Variants in FCRL1 observed in about 807,000 individuals in gnomAD.
The protein encoded by FCRL1 is Fc receptor like 1.
FCRL1 carries 34 observed loss-of-function variants against 49.2 expected under a neutral mutation model. That is an observed-to-expected ratio of 0.69 (90% CI 0.53 to 0.92). The LOEUF (loss-of-function observed/expected upper bound fraction) is 0.92. Ranked by LOEUF, FCRL1 falls within the 40% of genes least tolerant of loss-of-function variation. FCRL1 has a pLI of 0.00. For missense variants in FCRL1, 524 were observed against 524.1 expected (o/e 1.00, Z 0.00); for synonymous variants, 218 against 201.6 (o/e 1.08, Z -0.69).
rs576882512 is a variant in FCRL1 at position 157,819,875 on chromosome 1, G to A, written c.31+132C>T. ...TTTTGCCTGACTCTGAGCCCTCCGT[G>A]GAAGTGGAGATCTGAGCACCCCTGA... On this transcript the variant is annotated intron_variant, in intron 1 of 10. Coordinates refer to ENST00000368176, the MANE Select transcript of FCRL1 (RefSeq NM_052938.5). 6.7e-4 allele frequency: 678 copies of A among 1,010,800 alleles called. 1 individual carries two copies. Among genetic ancestry groups the A allele is most frequent in the Non-Finnish European group, 9.7e-4 (642 of 664,650 alleles). The allele number at this position is 1,010,800 out of a possible 1,614,324, so 62.6% of individuals were successfully genotyped here. A position where few individuals can be genotyped will look rare whatever the true frequency, so the allele number is the denominator to read the frequency against.
At chr1:157,812,233 C>T (rs1209533555) in intron 1 of FCRL1, among the ~76,000 whole-genome samples, 1 of 152,214 alleles carries the variant, frequency 6.6e-6, no homozygotes, top group Non-Finnish European at 1.5e-5. Context: ...GCCTGAGCTG[C>T]TGAGGCACAC....
At chr1:157,797,963 C>A (rs1557890791) in intron 8 of FCRL1, 24 bp from the exon 9 acceptor site, 1 of 1,610,326 alleles carries the variant, frequency 6.2e-7, no homozygotes, top group Non-Finnish European at 8.5e-7. Flanking sequence ...AGGGAGACTT[C>A]ATGACACAGC....
chr1:157,808,589 C>T (rs1257478812), intron 1 of FCRL1, among the ~76,000 whole-genome samples: 1 of 152,170 alleles, frequency 6.6e-6, no homozygotes, highest in Non-Finnish European at 1.5e-5. Context: ...GTCATGGGCA[C>T]TTTATGGACT....
At chr1:157,806,106 T>C (rs1175655312) in intron 2 of FCRL1, among the ~76,000 whole-genome samples, 1 of 152,222 alleles carries the variant, frequency 6.6e-6, no homozygotes, top group Non-Finnish European at 1.5e-5. Flanking sequence ...ATCTTTGATA[T>C]GGCTTTGGAT....
intron 2 of FCRL1, 140 bp from the exon 3 acceptor site, chr1:157,804,251 C>CA (rs201261723): frequency 1.7e-5 from 17 of 974,954 alleles, no homozygotes; most frequent in Non-Finnish European, 2.4e-5. Flanking sequence ...TCTCCACCCC[C>CA]CCCCCAGTGG....
chr1:157,802,164 T>C lies in FCRL1; in HGVS notation c.637A>G (p.Arg213Gly). 1 of 1,613,958 alleles carries C rather than the reference T, an allele frequency of 6.2e-7. No individual in the cohort carries two copies. The highest frequency in any genetic ancestry group is 8.5e-7 in the Non-Finnish European group (1 of 1,179,888). ...ACTGCAGCCTGGGCCCTGGGAGCCCTGAGCATGAGGATTGGGCGAGACACC... is the reference window on the plus strand; with the variant it reads ...ACTGCAGCCTGGGCCCTGGGAGCCCCGAGCATGAGGATTGGGCGAGACACC... ...IPVSRPILML[R>G]APRAQAAVED... The change falls in exon 5 of 11, where the codon AGG (arginine) becomes GGG (glycine). Residue 213 changes from arginine (R) to glycine (G), a missense_variant. By Grantham distance (125) the Arg-to-Gly change is moderately radical. Coordinates refer to ENST00000368176, the MANE Select transcript of FCRL1 (RefSeq NM_052938.5).
In FCRL1 at chr1:157,797,059, G is replaced by A. The variant is rs565758876; in HGVS notation, c.1218+42C>T. 619 of 1,603,638 alleles carry A rather than the reference G, an allele frequency of 3.9e-4. 13 individuals are homozygous for A. The South Asian group carries it at 6.6e-3, about 17-fold the overall frequency. On this transcript the variant is annotated intron_variant, in intron 10 of 10. Transcript: ENST00000368176. The stretch of plus-strand genomic sequence containing the variant: ...AGAAGTTTGAGAACCAGTCCCCAGA[G>A]GAAAGAAAGAACATGGAAGAAAGAA...
intron 1 of FCRL1, among the ~76,000 whole-genome samples, chr1:157,813,649 T>G (rs965772659): frequency 1.3e-5 from 2 of 152,132 alleles, no homozygotes; most frequent in African/African-American, 4.8e-5. Flanking sequence ...GAAAAAGATA[T>G]AGAGAAGGTT....
At chr1:157,805,867 G>T (rs936478793) in intron 2 of FCRL1, among the ~76,000 whole-genome samples, 1 of 152,170 alleles carries the variant, frequency 6.6e-6, no homozygotes, top group Non-Finnish European at 1.5e-5. Flanking sequence ...CTGCACTCCA[G>T]CCTGGGCAAC....
At chr1:157,798,105 G>T in intron 8 of FCRL1, 56 bp downstream of exon 8, 1 of 1,560,786 alleles carries the variant, frequency 6.4e-7, no homozygotes, top group Non-Finnish European at 8.8e-7. Context: ...TTATCCCATT[G>T]TCCCTTCCCT....
chr1:157,814,424 A>G (rs1461360591), intron 1 of FCRL1, among the ~76,000 whole-genome samples: 2 of 152,048 alleles, frequency 1.3e-5, no homozygotes, highest in African/African-American at 4.8e-5. Flanking sequence ...TTTTTATATA[A>G]GCCTCATGGT....
rs12035302 is a variant in FCRL1 at position 157,802,189 on chromosome 1, C to T, written c.612G>A (p.Pro204=). The change falls in exon 5 of 11, where the codon CCG becomes CCA. Residue 204 remains proline (P), a synonymous_variant. Coordinates refer to ENST00000368176, the MANE Select transcript of FCRL1 (RefSeq NM_052938.5). The stretch of plus-strand genomic sequence containing the variant: ...TGAGCATGAGGATTGGGCGAGACAC[C>T]GGGACTGAGGGAGACAGTAGACTGT... ...SGLVSITVRI[P]VSRPILMLRA... is the part of the protein sequence containing the mutation. 7,869 of 1,612,522 alleles carry T rather than the reference C, an allele frequency of 4.9e-3. 236 individuals carry two copies. The African/African-American group carries it at 0.078, about 16-fold the overall frequency.
rs778308683 is a variant in FCRL1, at chr1:157,796,165, G to A, written c.1224C>T (p.Ser408=). 5 of 1,613,702 alleles carry A rather than the reference G, an allele frequency of 3.1e-6. No homozygotes were observed. The highest frequency in any genetic ancestry group is 3.4e-6 in the Non-Finnish European group (4 of 1,179,774). The change falls in exon 11 of 11, where the codon TCC becomes TCT. Residue 408 remains serine (S), a synonymous_variant. Transcript: ENST00000368176. ...TLGTHMEDKV[S]LDIYSRLRKA... ...TCCTCAGCCTGGAATAGATGTCTAA[G>A]GAAACCTGGAAGCAAAGATTAGGAC... is the stretch of plus-strand genomic sequence containing the variant.
chr1:157,803,856 A>T lies in FCRL1; in HGVS notation c.308T>A (p.Ile103Lys), dbSNP rs149740001. 380 of 1,613,998 alleles carry T rather than the reference A, an allele frequency of 2.4e-4. 1 individual carries two copies. In the East Asian group the frequency reaches 7.2e-3, roughly 31 times the overall value. Residue 103 changes from isoleucine to lysine, a missense_variant, in exon 3 of 11, where the codon ATA becomes AAA. Ile to Lys is a moderately radical substitution (Grantham distance 102). Coordinates refer to ENST00000368176, the MANE Select transcript of FCRL1 (RefSeq NM_052938.5). ...SKVLRSRRSQINVHRVPVADV... is the reference protein window; with the variant it reads ...SKVLRSRRSQKNVHRVPVADV... ...CCACTGACACTCACTGTGCACATTT[A>T]TCTGGGATCTCCTGCTCCTCAAGAC...
chr1:157,812,033 A>G (rs6692836), intron 1 of FCRL1, among the ~76,000 whole-genome samples: 66,939 of 151,954 alleles, frequency 0.44, 15,064 homozygotes, highest in African/African-American at 0.53. Flanking sequence ...TTGGCATATG[A>G]CCCAGTCAGG....
intron 2 of FCRL1, among the ~76,000 whole-genome samples, chr1:157,806,358 ATC>A (rs1432763124): frequency 2.0e-5 from 3 of 152,040 alleles, no homozygotes; most frequent in Non-Finnish European, 4.4e-5. Flanking sequence ...TGGCAGGACA[ATC>A]TCTTTTAACT....
At position 157,798,210 on chromosome 1, in the gene FCRL1, G is replaced by C. The variant is rs3811024; in HGVS notation, c.1065C>G (p.Thr355=). 386,178 of 1,610,534 alleles carry C rather than the reference G, an allele frequency of 0.24. 47,467 individuals carry two copies. Among genetic ancestry groups the C allele is most frequent in the African/African-American group, 0.3 (22,803 of 74,822 alleles). ...SLPSPLPQEF[T]YLNSPTPGQL... ...GCCCTGGGGTAGGTGAGTTGAGGTA[G>C]GTGAACTCTTGGGGTAGAGGGCTGG... The change falls in exon 8 of 11, where the codon ACC becomes ACG. Residue 355 remains threonine (T), a synonymous_variant. Transcript: ENST00000368176.
intron 7 of FCRL1, among the ~76,000 whole-genome samples, chr1:157,799,183 T>C (rs1485230839): frequency 6.6e-6 from 1 of 152,034 alleles, no homozygotes; most frequent in Admixed American, 6.6e-5. Context: ...TGTATTTTGG[T>C]ACAGACAGGG....
At chr1:157,804,249 C>CT (rs1491351208) in intron 2 of FCRL1, 138 bp from the exon 3 acceptor site, 2 of 978,924 alleles carry the variant, frequency 2.0e-6, no homozygotes, top group Non-Finnish European at 1.5e-6. Context: ...TGTCTCCACC[C>CT]CCCCCCCAGT....
Sources: allele counts gnomAD v4.1 joint callset (sites outside exome capture counted in the v4.1 genomes callset), GRCh38; gene constraint gnomAD v4.1.1; transcripts MANE v1.5; gene names NCBI Gene and HGNC (gene_info 2026-07-23, HGNC 2026-07-21).